The following MCC variants were observed in gnomAD, a reference collection of about 807,000 sequenced individuals.
MCC encodes MCC regulator of Wnt signaling pathway, also known as colorectal mutant cancer protein.
In MCC, 90 loss-of-function variants were observed where a neutral mutation model predicts 116.2. The ratio of observed to expected loss-of-function variants is 0.77; its 90% CI spans 0.65 to 0.92. MCC has a LOEUF of 0.92. Ranked by LOEUF, MCC falls within the 40% of genes least tolerant of loss-of-function variation. The pLI, the probability that MCC is intolerant of heterozygous loss-of-function variation, is 0.00. For synonymous variants in MCC, 578 were observed against 510.5 expected, an observed-to-expected ratio of 1.13 and a Z score of -1.78; for missense variants, 1,516 against 1,312.2, an observed-to-expected ratio of 1.16 and a Z score of -2.40.
intron 1 of MCC, among the ~76,000 whole-genome samples, chr5:113,464,191 A>C (rs1771833738): frequency 6.6e-6 from 1 of 152,216 alleles, no homozygotes; most frequent in Non-Finnish European, 1.5e-5. Context: ...AGAAGCAAGA[A>C]AATGGAGACA....
At chr5:113,194,636 C>T (rs948422080) in intron 3 of MCC, among the ~76,000 whole-genome samples, 30 of 151,434 alleles carry the variant, frequency 2.0e-4, no homozygotes, top group East Asian at 1.2e-3. Flanking sequence ...TCATCCTGGG[C>T]GACAAAGGAA....
chr5:113,395,371 A>G (rs1769500870), intron 1 of MCC, among the ~76,000 whole-genome samples: 1 of 152,204 alleles, frequency 6.6e-6, no homozygotes, highest in South Asian at 2.1e-4. Context: ...CACTATGCCA[A>G]AAGAAAAAAA....
intron 15 of MCC, among the ~76,000 whole-genome samples, 162 bp from the exon 16 acceptor site, chr5:113,049,461 C>T (rs750820146): frequency 5.9e-5 from 9 of 152,228 alleles, no homozygotes; most frequent in Non-Finnish European, 1.3e-4. Context: ...GGAGACGTGG[C>T]ACCTGTCACC....
chr5:113,349,030 C>G (rs1259843966), intron 2 of MCC, among the ~76,000 whole-genome samples: 1 of 151,890 alleles, frequency 6.6e-6, no homozygotes, highest in African/African-American at 2.4e-5. Context: ...CTGAACAGAC[C>G]AATAAAAAAT....
intron 3 of MCC, among the ~76,000 whole-genome samples, chr5:113,237,815 C>A (rs1222314134): frequency 6.6e-6 from 1 of 152,160 alleles, no homozygotes; most frequent in African/African-American, 2.4e-5. Flanking sequence ...CGACACACTG[C>A]CGGTGATTTA....
intron 1 of MCC, among the ~76,000 whole-genome samples, chr5:113,410,585 C>T (rs753956323): frequency 2.6e-5 from 4 of 152,160 alleles, no homozygotes; most frequent in Non-Finnish European, 5.9e-5. Flanking sequence ...AATTGTGCTA[C>T]ATCTGCATAA....
chr5:113,229,554 T>C (rs1310114835), intron 3 of MCC, among the ~76,000 whole-genome samples: 1 of 152,228 alleles, frequency 6.6e-6, no homozygotes, highest in Non-Finnish European at 1.5e-5. Context: ...TAATGCCCTC[T>C]GCATGGGTTT....
At chr5:113,241,962 C>T (rs1764384397) in intron 3 of MCC, among the ~76,000 whole-genome samples, 2 of 152,256 alleles carry the variant, frequency 1.3e-5, no homozygotes, top group African/African-American at 4.8e-5. Flanking sequence ...AACAGGTGGC[C>T]ATATATTCAA....
intron 17 of MCC, among the ~76,000 whole-genome samples, chr5:113,037,011 A>G (rs571391057): frequency 1.6e-4 from 25 of 152,322 alleles, no homozygotes; most frequent in African/African-American, 5.5e-4. Context: ...GCTTTTATAC[A>G]TCAACCAAAT....
At position 113,023,816 on chromosome 5, in the gene MCC, G is replaced by GAT. The variant is rs1170647175; in HGVS notation, c.*3484_*3485dup. The GAT allele has an allele frequency of 6.6e-6, 1 of 152,024 alleles. No homozygotes were observed. Among genetic ancestry groups the GAT allele is most frequent in the African/African-American group, 2.4e-5 (1 of 41,296 alleles). 9.4% of individuals were successfully genotyped at this position (152,024 alleles called of 1,614,324 possible). A position where few individuals can be genotyped will look rare whatever the true frequency, so the allele number is the denominator to read the frequency against. On this transcript the variant is annotated 3_prime_UTR_variant, in exon 19 of 19. Transcript: ENST00000408903. Reference sequence around the variant, plus strand: ...CTCTTGAGAGCTATTAAGGTTGACTGATAGACTTAAAAAGTGATTGCTTTA... The same window carrying GAT: ...CTCTTGAGAGCTATTAAGGTTGACTGATATAGACTTAAAAAGTGATTGCTTTA...
At chr5:113,113,149 A>G (rs1757196354) in intron 6 of MCC, among the ~76,000 whole-genome samples, 1 of 152,236 alleles carries the variant, frequency 6.6e-6, no homozygotes, top group African/African-American at 2.4e-5. Flanking sequence ...CATGCCTGGT[A>G]AAGCAATTCA....
rs971408541 is a variant in MCC, at chr5:113,310,558, AT to A, written c.627+29960del. 4.6e-5 allele frequency among the ~76,000 whole-genome samples: 7 copies of A among 152,136 alleles called. No homozygotes were observed. In the East Asian group the frequency reaches 5.8e-4, roughly 13 times the overall value. On this transcript the variant is annotated intron_variant, in intron 3 of 18. Transcript: ENST00000408903. ...TTGTCCAAACTAATGAAAACTACTT[AT>A]TTTTTTCATATCTAAATTATTAAGT...
rs544229290 is a variant in MCC at position 113,233,312 on chromosome 5, G to C, written c.628-81890C>G. The stretch of plus-strand genomic sequence containing the variant: ...ATTAAGGGCGGAAAGTTGCCAAAAG[G>C]TTTGATGTTTTCCTATAATTATCTT... On this transcript the variant is annotated intron_variant, in intron 3 of 18. Coordinates refer to ENST00000408903, the MANE Select transcript of MCC (RefSeq NM_001085377.2). 2.0e-5 allele frequency among the ~76,000 whole-genome samples: 3 copies of C among 152,298 alleles called. No individual in the cohort carries two copies. The South Asian group carries it at 6.2e-4, about 32-fold the overall frequency.
chr5:113,315,322 A>G (rs1363970131), intron 3 of MCC, among the ~76,000 whole-genome samples: 1 of 152,118 alleles, frequency 6.6e-6, no homozygotes, highest in East Asian at 1.9e-4. Context: ...TATTATTAGA[A>G]ATTGAATATT....
chr5:113,151,452 T>C, intron 3 of MCC, 30 bp from the exon 4 acceptor site: 3 of 1,228,294 alleles, frequency 2.4e-6, no homozygotes, highest in Non-Finnish European at 2.4e-6. Flanking sequence ...GAGATTAGAG[T>C]ATTGTAGCAG....
chr5:113,119,325 G>A (rs1757595985), intron 6 of MCC, among the ~76,000 whole-genome samples: 1 of 152,202 alleles, frequency 6.6e-6, no homozygotes. Context: ...GGAAAGGGAA[G>A]CAAGTGGCTG....
rs941576894 is a variant in MCC, at chr5:113,104,521, C to A, written c.1028-166G>T. 6.1e-6 allele frequency: 3 copies of A among 491,444 alleles called. No homozygotes were observed. The East Asian group carries it at 9.6e-5, about 16-fold the overall frequency. 30.4% of individuals were successfully genotyped at this position (491,444 alleles called of 1,614,324 possible). A position where few individuals can be genotyped will look rare whatever the true frequency, so the allele number is the denominator to read the frequency against. On this transcript the variant is annotated intron_variant, in intron 6 of 18. Transcript: ENST00000408903. ...CAGGCACTGCCTCTGAGACTTGGAG[C>A]CAATGCAAAGCTCTTTTTATTAAAG...
chr5:113,433,793 C>T lies in MCC; in HGVS notation c.171-48581G>A, dbSNP rs775513009. 3.1e-6 allele frequency: 5 copies of T among 1,613,776 alleles called. No homozygotes were observed. In the South Asian group the frequency reaches 3.3e-5, roughly 11 times the overall value. On this transcript the variant is annotated intron_variant, in intron 1 of 18. Transcript: ENST00000408903. ...GGGGCCCTTCCTCTGTCTCCATAGT[C>T]GACGGCTTGCTGGGGAAACCCAGGA...
rs372128060 is a variant in MCC at position 113,092,846 on chromosome 5, C to G, written c.1399-7536G>C. On this transcript the variant is annotated intron_variant, in intron 8 of 18. Coordinates refer to ENST00000408903, the MANE Select transcript of MCC (RefSeq NM_001085377.2). ...CACTCTGAGACTCAGCAGTTTCACT[C>G]CTGGACATGTGATCCTGAGTAATTC... Among the ~76,000 whole-genome samples the G allele has an allele frequency of 3.9e-4, 60 of 152,332 alleles. No homozygotes were observed. The East Asian group carries it at 8.9e-3, about 23-fold the overall frequency.
Sources: allele counts gnomAD v4.1 joint callset (sites outside exome capture counted in the v4.1 genomes callset), GRCh38; gene constraint gnomAD v4.1.1; transcripts MANE v1.5; gene names NCBI Gene and HGNC (gene_info 2026-07-23, HGNC 2026-07-21).